The following TAFA1 variants were observed in gnomAD, a reference collection of about 807,000 sequenced individuals.
TAFA1 encodes chemokine-like protein TAFA-1.
A neutral mutation model predicts 18.5 loss-of-function variants in TAFA1; 4 were observed. The ratio of observed to expected loss-of-function variants is 0.22; its 90% confidence interval spans 0.11 to 0.49. The LOEUF is 0.49. TAFA1 is among the 20% of genes least tolerant of loss of function. The probability of loss-of-function intolerance (pLI) is 0.98; values close to 1 mark genes in which losing one functional copy is unlikely to be tolerated. For synonymous variants in TAFA1, 56 were observed against 55.2 expected, an observed-to-expected ratio of 1.01 and a Z score of -0.06; for missense variants, 147 against 169.0, an observed-to-expected ratio of 0.87 and a Z score of 0.72.
At chr3:68,450,166 T>C (rs879635437) in intron 3 of TAFA1, among the ~76,000 whole-genome samples, 2 of 152,160 alleles carry the variant, frequency 1.3e-5, no homozygotes, top group Non-Finnish European at 2.9e-5. Context: ...AATATAACCA[T>C]GGGATTCATG....
At chr3:68,298,216 C>G (rs182983855) in intron 2 of TAFA1, among the ~76,000 whole-genome samples, 1 of 152,298 alleles carries the variant, frequency 6.6e-6, no homozygotes, top group African/African-American at 2.4e-5. Context: ...GAGGTGGACA[C>G]TACTTCTAGT....
chr3:68,330,362 G>A (rs2068845784), intron 2 of TAFA1, among the ~76,000 whole-genome samples: 1 of 152,150 alleles, frequency 6.6e-6, no homozygotes, highest in Non-Finnish European at 1.5e-5. Flanking sequence ...GGAGAGTAAG[G>A]CTGGCTTCAT....
chr3:68,506,376 C>G (rs1346106944), intron 3 of TAFA1, among the ~76,000 whole-genome samples: 2 of 152,092 alleles, frequency 1.3e-5, no homozygotes, highest in African/African-American at 4.8e-5. Flanking sequence ...TTTCTTAAAA[C>G]TGACTCACAG....
intron 3 of TAFA1, among the ~76,000 whole-genome samples, chr3:68,437,201 A>T (rs1033745586): frequency 2.6e-5 from 4 of 152,168 alleles, no homozygotes; most frequent in African/African-American, 9.7e-5. Flanking sequence ...AAAGAGGGAA[A>T]CAAGATTGGT....
intron 2 of TAFA1, among the ~76,000 whole-genome samples, chr3:68,105,189 C>A (rs993368412): frequency 6.6e-6 from 1 of 152,080 alleles, no homozygotes; most frequent in Admixed American, 6.6e-5. Context: ...CCCCAGGATC[C>A]AAATACCTCC....
chr3:68,331,603 G>T (rs74437059), intron 2 of TAFA1, among the ~76,000 whole-genome samples: 25 of 152,138 alleles, frequency 1.6e-4, no homozygotes, highest in African/African-American at 5.8e-4. Context: ...CTTTTAGGAG[G>T]TTATTACAAA....
At chr3:68,060,386 A>C (rs944139535) in intron 2 of TAFA1, among the ~76,000 whole-genome samples, 1 of 152,168 alleles carries the variant, frequency 6.6e-6, no homozygotes, top group African/African-American at 2.4e-5. Flanking sequence ...AAGCAAAGGC[A>C]GACACTGGCC....
At chr3:68,381,967 C>G (rs893644610) in intron 2 of TAFA1, among the ~76,000 whole-genome samples, 30 of 152,096 alleles carry the variant, frequency 2.0e-4, no homozygotes, top group African/African-American at 6.5e-4. Flanking sequence ...TTTATTGAGA[C>G]TTTTTAGCAT....
chr3:68,415,757 T>A (rs1028115683), intron 2 of TAFA1, among the ~76,000 whole-genome samples: 1 of 152,088 alleles, frequency 6.6e-6, no homozygotes, highest in Non-Finnish European at 1.5e-5. Flanking sequence ...CACAACCCTG[T>A]GATACAGGTG....
chr3:68,343,284 T>C (rs183185135), intron 2 of TAFA1, among the ~76,000 whole-genome samples: 4 of 152,330 alleles, frequency 2.6e-5, no homozygotes, highest in African/African-American at 4.8e-5. Flanking sequence ...AGATTAAAAA[T>C]GCAGATTTCT....
intron 2 of TAFA1, among the ~76,000 whole-genome samples, chr3:68,007,232 T>C (rs1442389066): frequency 6.6e-6 from 1 of 152,208 alleles, no homozygotes; most frequent in Non-Finnish European, 1.5e-5. Flanking sequence ...CCTTTCTCCC[T>C]TCCTTCACTT....
upstream of TAFA1, among the ~76,000 whole-genome samples, chr3:67,999,285 C>G (rs113551858): frequency 0.04 from 186 of 4,684 alleles, 2 homozygotes; most frequent in African/African-American, 0.058. Flanking sequence ...CCCCCCCTCT[C>G]TCTGTGTGTG....
upstream of TAFA1, among the ~76,000 whole-genome samples, chr3:68,003,040 A>T (rs2106762201): frequency 1.3e-5 from 2 of 152,360 alleles, no homozygotes; most frequent in South Asian, 4.1e-4. Flanking sequence ...TGAGGCACAG[A>T]TGTGAAACAT....
chr3:68,270,600 G>C lies in TAFA1; in HGVS notation c.119-146680G>C, dbSNP rs114090600. On this transcript the variant is annotated intron_variant, in intron 2 of 4. Transcript: ENST00000478136. ...AAGGACCAGGTTATCTGTGGACCCA[G>C]GATGAAAGTATAACCTGGGTCTACC... is the stretch of plus-strand genomic sequence containing the variant. Among the ~76,000 whole-genome samples, 58 of 152,278 alleles carry C rather than the reference G, an allele frequency of 3.8e-4. 1 individual carries two copies. The highest frequency in any genetic ancestry group is 7.4e-5 in the Non-Finnish European group (5 of 68,020).
chr3:67,999,950 A>G (rs1339090692), upstream of TAFA1, among the ~76,000 whole-genome samples: 1 of 151,978 alleles, frequency 6.6e-6, no homozygotes, highest in African/African-American at 2.4e-5. Context: ...CACCATACCC[A>G]GATAATTTTC....
chr3:68,480,474 C>T (rs1359502261), intron 3 of TAFA1, among the ~76,000 whole-genome samples: 2 of 152,064 alleles, frequency 1.3e-5, no homozygotes, highest in African/African-American at 4.8e-5. Flanking sequence ...GTCAGAAAGT[C>T]GTGAGTGCAG....
chr3:68,229,114 T>C (rs567134886), intron 2 of TAFA1, among the ~76,000 whole-genome samples: 1 of 152,302 alleles, frequency 6.6e-6, no homozygotes, highest in South Asian at 2.1e-4. Context: ...ATCTTGGCTA[T>C]GGACTTGTGA....
At chr3:68,474,216 A>G (rs1265684198) in intron 3 of TAFA1, among the ~76,000 whole-genome samples, 1 of 152,182 alleles carries the variant, frequency 6.6e-6, no homozygotes, top group East Asian at 1.9e-4. Flanking sequence ...TGAGTAAATC[A>G]AAGTTACTAA....
At chr3:68,191,726 C>A (rs2066342784) in intron 2 of TAFA1, among the ~76,000 whole-genome samples, 1 of 151,666 alleles carries the variant, frequency 6.6e-6, no homozygotes, top group African/African-American at 2.4e-5. Flanking sequence ...CTTAAGGTTA[C>A]AACATATTAG....
Sources: gnomAD v4.1 joint callset for allele counts (sites outside exome capture counted in the v4.1 genomes callset) on GRCh38, gnomAD v4.1.1 for gene constraint, MANE v1.5 for transcripts, NCBI Gene and HGNC (gene_info 2026-07-23, HGNC 2026-07-21) for gene names.